Variants in CCDC60 observed in about 807,000 individuals in gnomAD.
The protein encoded by CCDC60 is coiled-coil domain containing 60.
In CCDC60, 54 loss-of-function variants were observed where a neutral mutation model predicts 63.5. The ratio of observed to expected loss-of-function variants is 0.85; its 90% CI spans 0.68 to 1.07. The LOEUF (loss-of-function observed/expected upper bound fraction) is 1.07, where lower values mean the gene tolerates loss of function less well. Ranked by LOEUF, CCDC60 falls within the 50% of genes least tolerant of loss-of-function variation. The pLI is 0.00. For synonymous variants in CCDC60, 206 were observed against 238.8 expected (o/e 0.86, Z 1.27); for missense variants, 651 against 684.3 (o/e 0.95, Z 0.54).
At chr12:119,343,688 A>G (rs966344212) in intron 1 of CCDC60, among the ~76,000 whole-genome samples, 1 of 149,716 alleles carries the variant, frequency 6.7e-6, no homozygotes, top group Non-Finnish European at 1.5e-5. Flanking sequence ...ATATATATGT[A>G]TATATAAGCT....
At chr12:119,437,104 CT>C (rs1363294939) in intron 2 of CCDC60, among the ~76,000 whole-genome samples, 5 of 152,166 alleles carry the variant, frequency 3.3e-5, no homozygotes, top group Non-Finnish European at 4.4e-5. Context: ...CCCACCAGCC[CT>C]ATTTCTTGGG....
chr12:119,335,294 C>G, intron 1 of CCDC60, 28 bp downstream of exon 1: 1 of 1,513,300 alleles, frequency 6.6e-7, no homozygotes, highest in Non-Finnish European at 9.0e-7. Context: ...TGAAACCAAT[C>G]ATGTTTTCGA....
Position 119,371,814 on chromosome 12 carries a change from G to T in CCDC60, c.90+36548G>T, listed in dbSNP as rs576619264. 6.6e-5 allele frequency among the ~76,000 whole-genome samples: 10 copies of T among 152,260 alleles called. No individual in the cohort carries two copies. In the South Asian group the frequency reaches 2.1e-3, roughly 32 times the overall value. On this transcript the variant is annotated intron_variant, in intron 1 of 13. Transcript: ENST00000327554. ...AGCCTGGCCAGGAATTCCCCTCCCT[G>T]GCTCTGGGAAGAGCCCATCCACTAG...
intron 2 of CCDC60, among the ~76,000 whole-genome samples, chr12:119,432,770 G>T (rs1263552626): frequency 6.6e-6 from 1 of 152,156 alleles, no homozygotes; most frequent in Non-Finnish European, 1.5e-5. Context: ...TATTGTTAAA[G>T]ATTAATTATA....
chr12:119,385,730 CTTGG>C (rs1271841830), intron 1 of CCDC60, among the ~76,000 whole-genome samples: 1 of 152,164 alleles, frequency 6.6e-6, no homozygotes. Flanking sequence ...GCTACATGGA[CTTGG>C]TTGTTTGTGA....
At chr12:119,502,351 A>C (rs1593181141) in intron 6 of CCDC60, among the ~76,000 whole-genome samples, 1 of 152,228 alleles carries the variant, frequency 6.6e-6, no homozygotes, top group East Asian at 1.9e-4. Context: ...CCTACTTCAC[A>C]GAAAGTGTAA....
At chr12:119,519,991 G>T in intron 8 of CCDC60, 130 bp from the exon 9 acceptor site, 1 of 759,254 alleles carries the variant, frequency 1.3e-6, no homozygotes. Flanking sequence ...CTCTCCAGGT[G>T]AGTGCTGTGC....
rs564914220 is a variant in CCDC60 at position 119,539,353 on chromosome 12, C to T, written c.1552-1261C>T. Among the ~76,000 whole-genome samples, 7 of 152,374 alleles carry T rather than the reference C, an allele frequency of 4.6e-5. 1 individual carries two copies. In the South Asian group the frequency reaches 1.4e-3, roughly 32 times the overall value. ...GGGAGTTTTATCTATAAGTCCCTGA[C>T]TGGGGCTGCTGCCTTTCTTTCAGAG... On this transcript the variant is annotated intron_variant, in intron 13 of 13. Coordinates refer to ENST00000327554, the MANE Select transcript of CCDC60 (RefSeq NM_178499.5).
intron 13 of CCDC60, among the ~76,000 whole-genome samples, chr12:119,537,588 G>A (rs551124414): frequency 2.5e-4 from 38 of 152,310 alleles, no homozygotes; most frequent in African/African-American, 8.4e-4. Context: ...ACCTACAGAT[G>A]GGGTTTTGGT....
At chr12:119,520,310 T>C in intron 9 of CCDC60, 118 bp downstream of exon 9, 1 of 817,164 alleles carries the variant, frequency 1.2e-6, no homozygotes, top group Non-Finnish European at 2.0e-6. Flanking sequence ...AGGGAACTTT[T>C]TCCTTCTTAT....
intron 1 of CCDC60, among the ~76,000 whole-genome samples, chr12:119,384,532 C>G (rs1317942217): frequency 2.0e-5 from 3 of 152,194 alleles, no homozygotes; most frequent in Admixed American, 6.5e-5. Context: ...GGCTGAAAGA[C>G]AAATTGCTCA....
chr12:119,411,845 C>G (rs1956607794), intron 1 of CCDC60, among the ~76,000 whole-genome samples: 1 of 152,202 alleles, frequency 6.6e-6, no homozygotes, highest in Admixed American at 6.5e-5. Flanking sequence ...ACCCTTTCCC[C>G]CAAGTTTTGT....
chr12:119,446,879 C>T (rs1051909782), intron 2 of CCDC60, among the ~76,000 whole-genome samples: 3 of 152,040 alleles, frequency 2.0e-5, no homozygotes, highest in African/African-American at 7.3e-5. Flanking sequence ...GGAGATATCC[C>T]AGACGGAGAA....
intron 2 of CCDC60, among the ~76,000 whole-genome samples, chr12:119,443,672 C>T (rs1950487046): frequency 6.6e-6 from 1 of 152,230 alleles, no homozygotes; most frequent in African/African-American, 2.4e-5. Flanking sequence ...CGGCTCTATT[C>T]CAAAGTGTAT....
chr12:119,453,773 AAAG>A (rs1950676450), intron 2 of CCDC60, among the ~76,000 whole-genome samples: 1 of 152,088 alleles, frequency 6.6e-6, no homozygotes. Context: ...GAAGAAGAAG[AAAG>A]AAGAATGAGA....
chr12:119,367,827 A>G (rs1462471600), intron 1 of CCDC60, among the ~76,000 whole-genome samples: 3 of 152,140 alleles, frequency 2.0e-5, no homozygotes, highest in African/African-American at 7.2e-5. Flanking sequence ...AGGGAAATCT[A>G]TAGAGACAGA....
intron 1 of CCDC60, among the ~76,000 whole-genome samples, chr12:119,344,855 T>A (rs11612315): frequency 0.025 from 2,896 of 114,752 alleles, 44 homozygotes; most frequent in African/African-American, 0.046. Context: ...TCTCTCTCTC[T>A]CACACACACA....
At chr12:119,483,823 T>TA (rs960701110) in intron 4 of CCDC60, among the ~76,000 whole-genome samples, 1 of 152,104 alleles carries the variant, frequency 6.6e-6, no homozygotes, top group Admixed American at 6.5e-5. Context: ...TCCCTGCATT[T>TA]AAAAAAATAA....
chr12:119,377,262 AAAAAAAAAAAAAAAAAAG>A (rs1296251353), intron 1 of CCDC60, among the ~76,000 whole-genome samples: 1 of 146,868 alleles, frequency 6.8e-6, no homozygotes, highest in African/African-American at 2.5e-5. Context: ...CTCAAAAAAA[AAAAAAAAAAAAAAAAAAG>A]AAAAAGAAAG....
Sources: allele counts gnomAD v4.1 joint callset (sites outside exome capture counted in the v4.1 genomes callset), GRCh38; gene constraint gnomAD v4.1.1; transcripts MANE v1.5; gene names NCBI Gene and HGNC (gene_info 2026-07-23, HGNC 2026-07-21).